The following DMXL1 variants were observed in gnomAD, a reference collection of about 807,000 sequenced individuals.
The protein encoded by DMXL1 is Dmx like 1.
In DMXL1, 99 loss-of-function variants were observed where a neutral mutation model predicts 319.2. The ratio of observed to expected loss-of-function variants is 0.31; its 90% CI spans 0.26 to 0.37. The LOEUF (loss-of-function observed/expected upper bound fraction) is 0.37, where lower values mean the gene tolerates loss of function less well. DMXL1 is among the 10% of genes least tolerant of loss of function. The pLI, the probability that DMXL1 is intolerant of heterozygous loss-of-function variation, is 1.00. For synonymous variants in DMXL1, 1,385 were observed against 1,235.2 expected, an observed-to-expected ratio of 1.12 and a Z score of -2.54; for missense variants, 3,745 against 3,595.6, an observed-to-expected ratio of 1.04 and a Z score of -1.06.
At chr5:119,221,443 G>A (rs1456673300) in intron 37 of DMXL1, among the ~76,000 whole-genome samples, 1 of 151,982 alleles carries the variant, frequency 6.6e-6, no homozygotes, top group Non-Finnish European at 1.5e-5. Context: ...TAGTGAAATG[G>A]TTTATACATT....
intron 37 of DMXL1, 43 bp downstream of exon 37, chr5:119,221,124 A>G: frequency 1.4e-6 from 2 of 1,448,528 alleles, no homozygotes; most frequent in Non-Finnish European, 1.9e-6. Context: ...TGTAACTTTT[A>G]TTTTTCCCTC....
At chr5:119,115,075 G>T (rs1369021874) in intron 6 of DMXL1, among the ~76,000 whole-genome samples, 1 of 152,108 alleles carries the variant, frequency 6.6e-6, no homozygotes, top group Non-Finnish European at 1.5e-5. Context: ...ATATAAATCT[G>T]CCATTTACCA....
At chr5:119,241,797 A>G (rs1264674130) in intron 42 of DMXL1, among the ~76,000 whole-genome samples, 1 of 152,156 alleles carries the variant, frequency 6.6e-6, no homozygotes, top group Non-Finnish European at 1.5e-5. Context: ...ACTGCAATAT[A>G]CAGTTTACTG....
chr5:119,226,823 T>C (rs995889896), intron 38 of DMXL1, among the ~76,000 whole-genome samples: 1 of 152,202 alleles, frequency 6.6e-6, no homozygotes, highest in Non-Finnish European at 1.5e-5. Flanking sequence ...GAAAATGCTT[T>C]ACTTACATTT....
intron 30 of DMXL1, among the ~76,000 whole-genome samples, chr5:119,195,535 C>T (rs1779462214): frequency 6.6e-6 from 1 of 151,936 alleles, no homozygotes; most frequent in South Asian, 2.1e-4. Context: ...TAGTGAAATA[C>T]ATAAAGAATA....
At position 119,173,776 on chromosome 5, in the gene DMXL1, G is replaced by GTGTATGTATATATATA; in HGVS notation, c.6682-1484_6682-1483insGTATGTATATATATAT. Among the ~76,000 whole-genome samples the GTGTATGTATATATATA allele has an allele frequency of 6.6e-4, 44 of 67,172 alleles. 3 individuals carry two copies. Among genetic ancestry groups the GTGTATGTATATATATA allele is most frequent in the African/African-American group, 2.4e-3 (44 of 18,016 alleles). The allele number at this position is 67,172 out of a possible 152,430, so 44.1% of individuals were successfully genotyped here. The stretch of plus-strand genomic sequence containing the variant: ...TGTGTATATATATATATGTGTGTGT[G>GTGTATGTATATATATA]TATATATATATATATATATATAATG... On this transcript the variant is annotated intron_variant, in intron 25 of 43. Coordinates refer to ENST00000539542, the MANE Select transcript of DMXL1 (RefSeq NM_001290321.3).
In DMXL1 at chr5:119,146,838, C is replaced by T; in HGVS notation, c.2571C>T (p.Gly857=). 1 of 1,608,966 alleles carries T rather than the reference C, an allele frequency of 6.2e-7. No individual in the cohort carries two copies. Among genetic ancestry groups the T allele is most frequent in the South Asian group, 1.1e-5 (1 of 90,412 alleles). ...LGKDSILSNA[G]SSPNGFSEKF... ...GAAAAATATCATTAATACCAACAGGCAGCTCACCTAATGGATTTTCTGAGA... is the reference window on the plus strand; with the variant it reads ...GAAAAATATCATTAATACCAACAGGTAGCTCACCTAATGGATTTTCTGAGA... The change falls in exon 16 of 44, where the codon GGC becomes GGT. Residue 857 remains glycine (G), a splice_region_variant and synonymous_variant. Transcript: ENST00000539542.
chr5:119,177,498 G>A lies in DMXL1; in HGVS notation c.6886+14G>A, dbSNP rs751884020. 1.4e-5 allele frequency: 22 copies of A among 1,578,072 alleles called. No individual in the cohort carries two copies. The African/African-American group carries it at 2.7e-4, about 20-fold the overall frequency. On this transcript the variant is annotated intron_variant, in intron 27 of 43. Coordinates refer to ENST00000539542, the MANE Select transcript of DMXL1 (RefSeq NM_001290321.3). ...CTCAATGGCCAGGTATAATTTTTAT[G>A]TATAGATCAGTTTTTTCTTAGTCTT... is the stretch of plus-strand genomic sequence containing the variant.
intron 28 of DMXL1, among the ~76,000 whole-genome samples, chr5:119,187,254 T>C (rs1157540330): frequency 1.3e-5 from 2 of 152,220 alleles, no homozygotes; most frequent in African/African-American, 4.8e-5. Flanking sequence ...TTCTCCCTAA[T>C]ACTATTTTCT....
intron 1 of DMXL1, among the ~76,000 whole-genome samples, chr5:119,097,354 T>G (rs1756198914): frequency 1.3e-5 from 2 of 152,168 alleles, no homozygotes; most frequent in Admixed American, 6.6e-5. Context: ...GAATGGAAGT[T>G]TGCTATTAGT....
Position 119,171,795 on chromosome 5 carries a change from A to G in DMXL1, c.6507A>G (p.Leu2169=), listed in dbSNP as rs1315570997. 17 of 1,610,724 alleles carry G rather than the reference A, an allele frequency of 1.1e-5. No individual in the cohort carries two copies. The highest frequency in any genetic ancestry group is 8.9e-5 in the East Asian group (4 of 44,756). ...TTTTTAAGGAAACATCAGAACCACTATTTTCTAGCCCTCTGTCAGAGCAAA... is the reference window on the plus strand; with the variant it reads ...TTTTTAAGGAAACATCAGAACCACTGTTTTCTAGCCCTCTGTCAGAGCAAA... ...QESQQETSEP[L]FSSPLSEQTS... Residue 2169 remains leucine (L), a synonymous_variant, in exon 25 of 44, where the codon CTA becomes CTG. Transcript: ENST00000539542.
At position 119,203,476 on chromosome 5, in the gene DMXL1, A is replaced by G. The variant is rs530340353; in HGVS notation, c.7863+40A>G. ...AAACCTGTTTACTATTTTATTATTG[A>G]AGTCTTTTATATTATCATGTAACCA... On this transcript the variant is annotated intron_variant, in intron 33 of 43. Transcript: ENST00000539542. 24 of 1,246,620 alleles carry G rather than the reference A, an allele frequency of 1.9e-5. No individual in the cohort carries two copies. In the African/African-American group the frequency reaches 3.2e-4, roughly 17 times the overall value. 77.2% of individuals were successfully genotyped at this position (1,246,620 alleles called of 1,614,324 possible).
intron 32 of DMXL1, among the ~76,000 whole-genome samples, chr5:119,199,230 C>T (rs1305788302): frequency 6.6e-6 from 1 of 152,078 alleles, no homozygotes; most frequent in African/African-American, 2.4e-5. Context: ...TCCCCACTTC[C>T]CCCTCAAGTA....
intron 13 of DMXL1, among the ~76,000 whole-genome samples, chr5:119,137,345 T>C (rs1396406993): frequency 6.6e-6 from 1 of 152,246 alleles, no homozygotes; most frequent in Non-Finnish European, 1.5e-5. Flanking sequence ...TTTTACAGGC[T>C]CATAGGCAGA....
chr5:119,071,768 G>C, intron 1 of DMXL1, 112 bp downstream of exon 1: 2 of 971,612 alleles, frequency 2.1e-6, no homozygotes, highest in East Asian at 5.4e-5. Context: ...TCCCCAGGGG[G>C]GTCCTTACCA....
At chr5:119,210,211 A>G (rs1290669111) in intron 34 of DMXL1, among the ~76,000 whole-genome samples, 1 of 152,142 alleles carries the variant, frequency 6.6e-6, no homozygotes, top group Non-Finnish European at 1.5e-5. Context: ...TCGGCCTCCT[A>G]AAGTGCTGGG....
intron 13 of DMXL1, among the ~76,000 whole-genome samples, chr5:119,137,960 A>G (rs534268856): frequency 1.3e-5 from 2 of 152,234 alleles, no homozygotes; most frequent in African/African-American, 2.4e-5. Context: ...GAAGCCTGAT[A>G]GGCCATTGTG....
intron 21 of DMXL1, among the ~76,000 whole-genome samples, chr5:119,166,243 G>T (rs909712968): frequency 6.6e-6 from 1 of 152,110 alleles, no homozygotes; most frequent in African/African-American, 2.4e-5. Context: ...TTGATTCAAG[G>T]CACATTCTTT....
At chr5:119,137,002 A>G (rs532831622) in intron 13 of DMXL1, among the ~76,000 whole-genome samples, 62 of 152,352 alleles carry the variant, frequency 4.1e-4, no homozygotes, top group African/African-American at 1.4e-3. Flanking sequence ...AAAAAGGTAG[A>G]TCCACTGACA....
Sources: allele counts gnomAD v4.1 joint callset (sites outside exome capture counted in the v4.1 genomes callset), GRCh38; gene constraint gnomAD v4.1.1; transcripts MANE v1.5; gene names NCBI Gene and HGNC (gene_info 2026-07-23, HGNC 2026-07-21).